Variants in EHD3 observed in about 807,000 individuals in gnomAD.
EHD3 encodes the protein EH domain-containing protein 3.
EHD3 carries 17 observed loss-of-function variants against 43.0 expected under a neutral mutation model. The observed-to-expected ratio is 0.40, with a 90% confidence interval of 0.27 to 0.59. EHD3 has a LOEUF of 0.59. Ranked by LOEUF, EHD3 falls within the 20% of genes least tolerant of loss-of-function variation. EHD3 has a pLI of 0.49. For missense variants in EHD3, 594 were observed against 705.6 expected, an observed-to-expected ratio of 0.84 and a Z score of 1.79; for synonymous variants, 313 against 289.5, an observed-to-expected ratio of 1.08 and a Z score of -0.82.
At position 31,266,321 on chromosome 2, in the gene EHD3, G is replaced by A. The variant is rs1683950266; in HGVS notation, c.1225G>A (p.Val409Met). ...QEESQRPIQM[V>M]KGGAFEGTLH... ...GGAGTCACAGCGGCCCATCCAGATG[G>A]TGAAGGGCGGAGCGTTCGAGGGCAC... Residue 409 changes from valine to methionine, a missense_variant, in exon 6 of 6, where the codon GTG (valine) becomes ATG (methionine). Physicochemically the swap from Val to Met is conservative, Grantham distance 21. Coordinates refer to ENST00000322054, the MANE Select transcript of EHD3 (RefSeq NM_014600.3). This position sits in a 1 kb window ranked among gnomAD's most constrained non-coding sequence, Gnocchi z 5.1. 3.7e-6 allele frequency: 6 copies of A among 1,614,108 alleles called. No homozygotes were observed. The highest frequency in any genetic ancestry group is 5.1e-6 in the Non-Finnish European group (6 of 1,180,052).
intron 1 of EHD3, among the ~76,000 whole-genome samples, chr2:31,239,990 A>T (rs956332107): frequency 6.6e-6 from 1 of 152,134 alleles, no homozygotes; most frequent in Admixed American, 6.5e-5. Context: ...GGCCTGTCGC[A>T]AGGAGGCTGG....
At chr2:31,251,699 G>A (rs1461260293) in intron 3 of EHD3, among the ~76,000 whole-genome samples, 3 of 152,116 alleles carry the variant, frequency 2.0e-5, no homozygotes, top group Admixed American at 6.5e-5. Flanking sequence ...ATAGGGAGCT[G>A]GAACCCCTGG....
chr2:31,260,057 C>T lies in EHD3; in HGVS notation c.503-453C>T, dbSNP rs570591065. On this transcript the variant is annotated intron_variant, in intron 3 of 5. Transcript: ENST00000322054. This position sits in a 1 kb window ranked among gnomAD's most constrained non-coding sequence, Gnocchi z 4.6. ...CTCTACTAAAAACACAAAAATTAGA[C>T]GGGCATGGTGGCGCATGCCTGTAAT... 3.3e-5 allele frequency among the ~76,000 whole-genome samples: 5 copies of T among 152,180 alleles called. No homozygotes were observed. The highest frequency in any genetic ancestry group is 6.5e-5 in the Admixed American group (1 of 15,278).
In EHD3 at chr2:31,266,296, G is replaced by A; in HGVS notation, c.1200G>A (p.Glu400=). The part of the protein sequence containing the change: ...IAQLMVLVRQ[E]ESQRPIQMVK... ...AGCTCATGGTGCTAGTGCGCCAGGA[G>A]GAGTCACAGCGGCCCATCCAGATGG... The change falls in exon 6 of 6, where the codon GAG becomes GAA. Residue 400 remains glutamate (E), a synonymous_variant. Transcript: ENST00000322054. The surrounding 1 kb of genome is among the most constrained non-coding windows in gnomAD (Gnocchi z 5.1). The A allele has an allele frequency of 6.2e-7, 1 of 1,614,204 alleles. No individual in the cohort carries two copies. The highest frequency in any genetic ancestry group is 8.5e-7 in the Non-Finnish European group (1 of 1,180,042).
intron 5 of EHD3, among the ~76,000 whole-genome samples, chr2:31,263,974 G>A (rs910892194): frequency 1.4e-4 from 21 of 152,352 alleles, no homozygotes; most frequent in African/African-American, 4.6e-4. Context: ...GAAGGCAAGA[G>A]GAGCTCTTTC....
intron 1 of EHD3, 127 bp from the exon 2 acceptor site, chr2:31,244,147 G>A (rs1221035230): frequency 1.2e-6 from 1 of 802,418 alleles, no homozygotes; most frequent in South Asian, 3.4e-5. Context: ...ATTTCTCCCG[G>A]CCATGAGATC....
At chr2:31,246,540 T>C (rs889876964) in intron 2 of EHD3, among the ~76,000 whole-genome samples, 8 of 152,144 alleles carry the variant, frequency 5.3e-5, no homozygotes, top group Admixed American at 3.9e-4. Flanking sequence ...TTTGGGATAA[T>C]TGTGCTTATA....
chr2:31,263,530 C>G (rs1307263272), intron 5 of EHD3, among the ~76,000 whole-genome samples: 1 of 152,110 alleles, frequency 6.6e-6, no homozygotes, highest in Non-Finnish European at 1.5e-5. Context: ...CCAAACATAC[C>G]TAGATGTGAG....
chr2:31,253,497 G>A (rs1683680028), intron 3 of EHD3, among the ~76,000 whole-genome samples: 1 of 152,170 alleles, frequency 6.6e-6, no homozygotes, highest in Non-Finnish European at 1.5e-5. Flanking sequence ...TGCTCACTGA[G>A]CCTCATACCT....
Position 31,249,584 on chromosome 2 carries a change from C to A in EHD3, c.502+116C>A, listed in dbSNP as rs879227511. 99 of 908,496 alleles carry A rather than the reference C, an allele frequency of 1.1e-4. No individual in the cohort carries two copies. The South Asian group carries it at 1.5e-3, about 14-fold the overall frequency. The allele number at this position is 908,496 out of a possible 1,614,324, so 56.3% of individuals were successfully genotyped here. A position where few individuals can be genotyped will look rare whatever the true frequency, so the allele number is the denominator to read the frequency against. ...CATGCTGTCCCTTGGTGAGCCGGCA[C>A]TTCTCCTGTGCTGTGTGGGATCATT... On this transcript the variant is annotated intron_variant, in intron 3 of 5. Transcript: ENST00000322054.
chr2:31,253,210 A>G (rs1435375310), intron 3 of EHD3, among the ~76,000 whole-genome samples: 1 of 145,864 alleles, frequency 6.9e-6, no homozygotes, highest in Non-Finnish European at 1.5e-5. Context: ...TATCCTGCAT[A>G]TACACAACTC....
At chr2:31,259,918 T>C (rs1683818761) in intron 3 of EHD3, among the ~76,000 whole-genome samples, 1 of 152,166 alleles carries the variant, frequency 6.6e-6, no homozygotes, top group Non-Finnish European at 1.5e-5. Context: ...GCGCAGTGGC[T>C]GGCTGGGGGC....
At chr2:31,245,741 T>G (rs1332075886) in intron 2 of EHD3, among the ~76,000 whole-genome samples, 2 of 141,716 alleles carry the variant, frequency 1.4e-5, no homozygotes, top group Non-Finnish European at 3.1e-5. Flanking sequence ...TTGTGTTTTT[T>G]TTTTTTTTTT....
chr2:31,243,235 G>A (rs1175288506), intron 1 of EHD3, among the ~76,000 whole-genome samples: 3 of 152,154 alleles, frequency 2.0e-5, no homozygotes, highest in Non-Finnish European at 2.9e-5. Flanking sequence ...CTAAGAACAC[G>A]CCACTACACT....
At chr2:31,241,122 C>A (rs73922288) in intron 1 of EHD3, among the ~76,000 whole-genome samples, 1 of 152,194 alleles carries the variant, frequency 6.6e-6, no homozygotes, top group African/African-American at 2.4e-5. Flanking sequence ...AAGCAGGGAA[C>A]CCCACAGCTG....
intron 5 of EHD3, among the ~76,000 whole-genome samples, chr2:31,262,508 C>T (rs1053207890): frequency 1.3e-5 from 2 of 152,216 alleles, no homozygotes; most frequent in Non-Finnish European, 1.5e-5. Flanking sequence ...CAAAGCCAGA[C>T]AGACTATGCC....
chr2:31,250,000 C>A (rs1041807990), intron 3 of EHD3, among the ~76,000 whole-genome samples: 2 of 151,914 alleles, frequency 1.3e-5, no homozygotes, highest in Non-Finnish European at 2.9e-5. Flanking sequence ...AGACAGAACT[C>A]TGGAGTCAGG....
chr2:31,246,900 C>CT (rs531957552), intron 2 of EHD3, among the ~76,000 whole-genome samples: 4,058 of 143,598 alleles, frequency 0.028, 141 homozygotes, highest in African/African-American at 0.088. Context: ...CAGTGGTTAC[C>CT]TTTTTTTTTT....
chr2:31,253,730 G>T (rs1452749350), intron 3 of EHD3, among the ~76,000 whole-genome samples: 2 of 152,204 alleles, frequency 1.3e-5, no homozygotes, highest in African/African-American at 4.8e-5. Context: ...GCCTGGGGCG[G>T]GGTGTGTCTT....
Sources: gnomAD v4.1 joint callset for allele counts (sites outside exome capture counted in the v4.1 genomes callset) on GRCh38, gnomAD v4.1.1 for gene constraint, Gnocchi (gnomAD v3.1) non-coding constraint, MANE v1.5 for transcripts, NCBI Gene and HGNC (gene_info 2026-07-23, HGNC 2026-07-21) for gene names.